The following FAM227B variants were observed in gnomAD, a reference collection of about 807,000 sequenced individuals.
FAM227B encodes protein FAM227B.
Under a neutral mutation model 73.8 loss-of-function variants are expected in FAM227B, and 88 were observed. The observed-to-expected ratio is 1.19, with a 90% CI of 1.00 to 1.42. The LOEUF (loss-of-function observed/expected upper bound fraction) is 1.42. FAM227B is among the 40% of genes most tolerant of loss of function. The probability of loss-of-function intolerance (pLI) is 0.00; values close to 1 mark genes in which losing one functional copy is unlikely to be tolerated. For missense variants in FAM227B, 632 were observed against 590.9 expected (o/e 1.07, Z -0.72); for synonymous variants, 210 against 190.5 (o/e 1.10, Z -0.84).
intron 11 of FAM227B, among the ~76,000 whole-genome samples, chr15:49,417,256 G>C (rs890231575): frequency 2.0e-5 from 3 of 152,074 alleles, no homozygotes; most frequent in African/African-American, 7.2e-5. Flanking sequence ...AGCCTGGTAT[G>C]GTGATGCATG....
In FAM227B at chr15:49,551,577, G is replaced by T. The variant is rs564081507; in HGVS notation, c.748-9771C>A. ...CAGCCAGTCTTTTAATTAGAGTTTAGTCCACTTACACTCAATATTATTATT... is the reference window on the plus strand; with the variant it reads ...CAGCCAGTCTTTTAATTAGAGTTTATTCCACTTACACTCAATATTATTATT... On this transcript the variant is annotated intron_variant, in intron 9 of 15. Coordinates refer to ENST00000299338, the MANE Select transcript of FAM227B (RefSeq NM_152647.3). 3.3e-5 allele frequency among the ~76,000 whole-genome samples: 5 copies of T among 152,160 alleles called. No individual in the cohort carries two copies. The South Asian group carries it at 6.2e-4, about 19-fold the overall frequency.
intron 9 of FAM227B, among the ~76,000 whole-genome samples, chr15:49,542,083 T>G (rs1203119830): frequency 6.6e-6 from 1 of 152,210 alleles, no homozygotes; most frequent in African/African-American, 2.4e-5. Flanking sequence ...GGTTTCCTTA[T>G]GATTTTAAAT....
At chr15:49,441,867 A>G (rs1182345051) in intron 11 of FAM227B, among the ~76,000 whole-genome samples, 2 of 151,664 alleles carry the variant, frequency 1.3e-5, no homozygotes, top group Non-Finnish European at 1.5e-5. Flanking sequence ...AGTGGTCAGT[A>G]GGAGGAGGGA....
chr15:49,365,988 AAC>A (rs2045109285), intron 13 of FAM227B: 2 of 816,516 alleles, frequency 2.4e-6, no homozygotes, highest in Admixed American at 3.4e-5. Flanking sequence ...AGACCATCAT[AAC>A]ACAGTAGATG....
At chr15:49,550,684 G>T (rs896802009) in intron 9 of FAM227B, among the ~76,000 whole-genome samples, 1 of 151,934 alleles carries the variant, frequency 6.6e-6, no homozygotes, top group African/African-American at 2.4e-5. Flanking sequence ...TCAGACGATG[G>T]GCGGCCGGGC....
chr15:49,514,142 T>C (rs2059219399), intron 10 of FAM227B, among the ~76,000 whole-genome samples: 1 of 152,182 alleles, frequency 6.6e-6, no homozygotes, highest in African/African-American at 2.4e-5. Flanking sequence ...AGAATGTCAA[T>C]GGTAGTTTGA....
At chr15:49,617,348 A>G (rs1231768933) in intron 1 of FAM227B, among the ~76,000 whole-genome samples, 1 of 152,216 alleles carries the variant, frequency 6.6e-6, no homozygotes, top group African/African-American at 2.4e-5. Context: ...ATAATAAGAT[A>G]ATGCATCCCT....
chr15:49,450,262 C>G (rs981857736), intron 11 of FAM227B, among the ~76,000 whole-genome samples: 5 of 152,234 alleles, frequency 3.3e-5, no homozygotes, highest in Middle Eastern at 3.4e-3. Context: ...CATTTCCCTC[C>G]TCATCATCTT....
Position 49,456,527 on chromosome 15 carries a change from A to G in FAM227B, c.1012+51684T>C, listed in dbSNP as rs1044682617. Among the ~76,000 whole-genome samples the G allele has an allele frequency of 2.4e-4, 37 of 152,248 alleles. 1 individual carries two copies. The Middle Eastern group carries it at 0.017, about 70-fold the overall frequency. On this transcript the variant is annotated intron_variant, in intron 11 of 15. Coordinates refer to ENST00000299338, the MANE Select transcript of FAM227B (RefSeq NM_152647.3). ...TTCAGCATTTCTACTATATGCAAGC[A>G]TTCAACTGGATATATATAAAAATAA... is the stretch of plus-strand genomic sequence containing the variant.
chr15:49,407,976 T>C (rs180766643), intron 11 of FAM227B, among the ~76,000 whole-genome samples: 1 of 152,284 alleles, frequency 6.6e-6, no homozygotes, highest in East Asian at 1.9e-4. Context: ...CTTAGCATAA[T>C]GCATTTGAGA....
rs140560885 is a variant in FAM227B at position 49,590,046 on chromosome 15, T to C, written c.106-39A>G. 2.0e-4 allele frequency: 202 copies of C among 1,034,874 alleles called. No homozygotes were observed. In the African/African-American group the frequency reaches 2.8e-3, roughly 14 times the overall value. 64.1% of individuals were successfully genotyped at this position (1,034,874 alleles called of 1,614,324 possible). On this transcript the variant is annotated intron_variant, in intron 3 of 15. Transcript: ENST00000299338. The stretch of plus-strand genomic sequence containing the variant: ...GAAAGAGAGAATATAGCTTAAGTCA[T>C]TTTTAATGAATTTAAATAATAGAGT...
intron 11 of FAM227B, among the ~76,000 whole-genome samples, chr15:49,495,543 G>T (rs1482508799): frequency 6.6e-6 from 1 of 151,914 alleles, no homozygotes; most frequent in Non-Finnish European, 1.5e-5. Context: ...ATATTTCTGG[G>T]GTTTCCTCAC....
At chr15:49,472,804 A>T (rs71467683) in intron 11 of FAM227B, among the ~76,000 whole-genome samples, 16,281 of 152,230 alleles carry the variant, frequency 0.11, 1,238 homozygotes, top group East Asian at 0.36. Context: ...AAAAGCACAG[A>T]TGTAATGATA....
intron 9 of FAM227B, among the ~76,000 whole-genome samples, chr15:49,549,976 T>A: frequency 1.1e-5 from 1 of 91,318 alleles, no homozygotes; most frequent in African/African-American, 3.3e-5. Context: ...CCCCCCCACC[T>A]CCCTCCCAGA....
intron 11 of FAM227B, among the ~76,000 whole-genome samples, chr15:49,403,926 G>A (rs745791963): frequency 2.0e-5 from 3 of 151,974 alleles, no homozygotes; most frequent in Non-Finnish European, 4.4e-5. Flanking sequence ...TAACACTGCC[G>A]TAGCTGTGTC....
At chr15:49,332,898 A>C (rs1253531859) in intron 14 of FAM227B, among the ~76,000 whole-genome samples, 4 of 152,104 alleles carry the variant, frequency 2.6e-5, no homozygotes, top group Non-Finnish European at 5.9e-5. Context: ...TGACTGGTAC[A>C]TGCCCCCTCA....
intron 11 of FAM227B, among the ~76,000 whole-genome samples, chr15:49,500,657 C>T (rs1035001906): frequency 1.1e-4 from 17 of 152,114 alleles, no homozygotes; most frequent in Admixed American, 3.3e-4. Flanking sequence ...TGTAAAATTT[C>T]GGATAAGAGA....
intron 8 of FAM227B, among the ~76,000 whole-genome samples, chr15:49,573,532 G>A: frequency 6.6e-6 from 1 of 152,170 alleles, no homozygotes; most frequent in East Asian, 1.9e-4. Flanking sequence ...CTCATGAACA[G>A]ATTATGCCAT....
chr15:49,533,237 T>A (rs1450502636), intron 10 of FAM227B, among the ~76,000 whole-genome samples: 1 of 152,042 alleles, frequency 6.6e-6, no homozygotes, highest in Non-Finnish European at 1.5e-5. Context: ...TCAGAAGAGA[T>A]GCTTGATATG....
Sources: allele counts gnomAD v4.1 joint callset (sites outside exome capture counted in the v4.1 genomes callset), GRCh38; gene constraint gnomAD v4.1.1; transcripts MANE v1.5; gene names NCBI Gene and HGNC (gene_info 2026-07-23, HGNC 2026-07-21).